The following SORCS1 variants were observed in gnomAD, a reference collection of about 807,000 sequenced individuals.
The protein encoded by SORCS1 is sortilin related VPS10 domain containing receptor 1.
SORCS1 carries 60 observed loss-of-function variants against 146.1 expected under a neutral mutation model. The observed-to-expected ratio is 0.41, with a 90% CI of 0.33 to 0.51. SORCS1 has a LOEUF of 0.51. Among genes scored for constraint, SORCS1 ranks in the 20% least tolerant of loss-of-function variants. The pLI is 0.21. For missense variants in SORCS1, 1,352 were observed against 1,487.6 expected (o/e 0.91, Z 1.50); for synonymous variants, 637 against 584.0 (o/e 1.09, Z -1.31).
intron 22 of SORCS1, among the ~76,000 whole-genome samples, chr10:106,611,699 GGT>G (rs1406620097): frequency 6.6e-6 from 1 of 152,200 alleles, no homozygotes; most frequent in Non-Finnish European, 1.5e-5. Context: ...GTTTGTCCGT[GGT>G]TCCATAGTTG....
chr10:106,859,544 C>T (rs548919121), intron 2 of SORCS1, among the ~76,000 whole-genome samples: 184 of 152,262 alleles, frequency 1.2e-3, no homozygotes, highest in Admixed American at 2.4e-3. Flanking sequence ...CAGGTGCGCA[C>T]CACCATGCCC....
intron 2 of SORCS1, among the ~76,000 whole-genome samples, chr10:106,928,408 G>A (rs1977693): frequency 0.88 from 133,933 of 152,238 alleles, 60,524 homozygotes; most frequent in Non-Finnish European, 1. Flanking sequence ...CGCCAAGCCC[G>A]CGCCCACCCG....
At chr10:106,608,233 A>T (rs1270641561) in intron 22 of SORCS1, among the ~76,000 whole-genome samples, 1 of 152,130 alleles carries the variant, frequency 6.6e-6, no homozygotes, top group Non-Finnish European at 1.5e-5. Context: ...TCCTTTCCAA[A>T]CTAATTACCC....
chr10:106,736,515 TGGTTTCCTCTCCTACAGTCAAG>T (rs1451119083), intron 5 of SORCS1, among the ~76,000 whole-genome samples: 2 of 145,188 alleles, frequency 1.4e-5, no homozygotes, highest in Non-Finnish European at 3.0e-5. Flanking sequence ...TGACATACCT[TGGTTTCCTCTCCTACAGTCAAG>T]GGTTTCCCCT....
chr10:107,145,753 T>C (rs1293608595), intron 1 of SORCS1, among the ~76,000 whole-genome samples: 1 of 152,148 alleles, frequency 6.6e-6, no homozygotes, highest in African/African-American at 2.4e-5. Context: ...AGTTAGCAAG[T>C]GCACACACAC....
chr10:106,906,887 T>C (rs1020831165), intron 2 of SORCS1, among the ~76,000 whole-genome samples: 8 of 152,148 alleles, frequency 5.3e-5, no homozygotes, highest in Admixed American at 3.3e-4. Context: ...GAGTACTTGG[T>C]TGAGGAAATG....
chr10:106,732,948 G>T (rs925651883), intron 5 of SORCS1, among the ~76,000 whole-genome samples: 3 of 151,696 alleles, frequency 2.0e-5, no homozygotes, highest in Non-Finnish European at 4.4e-5. Flanking sequence ...GTGAAACCCC[G>T]TATCTACTAA....
At chr10:106,613,303 C>T (rs190373698) in intron 21 of SORCS1, among the ~76,000 whole-genome samples, 181 of 152,150 alleles carry the variant, frequency 1.2e-3, no homozygotes, top group African/African-American at 4.1e-3. Flanking sequence ...GGGCAGGAAG[C>T]CACAGGAGTC....
intron 18 of SORCS1, among the ~76,000 whole-genome samples, chr10:106,647,925 T>C (rs1437664354): frequency 6.6e-6 from 1 of 152,234 alleles, no homozygotes; most frequent in African/African-American, 2.4e-5. Context: ...TGGAGTGCTG[T>C]GGCGCAATTA....
intron 3 of SORCS1, among the ~76,000 whole-genome samples, chr10:106,812,006 G>C (rs7076443): frequency 6.6e-6 from 1 of 151,754 alleles, no homozygotes; most frequent in South Asian, 2.1e-4. Context: ...TTGTTTGTTT[G>C]TTTGTTTGTT....
chr10:106,958,765 G>A (rs564227806), intron 1 of SORCS1, among the ~76,000 whole-genome samples: 2 of 152,326 alleles, frequency 1.3e-5, no homozygotes, highest in South Asian at 4.1e-4. Flanking sequence ...GGGGGCATAT[G>A]CTTAACAGAT....
rs1590287126 is a variant in SORCS1, at chr10:107,164,664, C to T, written c.-138G>A. On this transcript the variant is annotated 5_prime_UTR_variant, in exon 1 of 26. Coordinates refer to ENST00000263054, the MANE Select transcript of SORCS1 (RefSeq NM_052918.5). This position sits in a 1 kb window ranked among gnomAD's most constrained non-coding sequence, Gnocchi z 6.8. ...GCGCCGCGGTGGGGGCGGGCGGAGG[C>T]GGCGCCGGGCAGGTGGCGGCCGCTT... 7 of 662,232 alleles carry T rather than the reference C, an allele frequency of 1.1e-5. No homozygotes were observed. The East Asian group carries it at 1.8e-4, about 17-fold the overall frequency. The allele number at this position is 662,232 out of a possible 1,614,324, so 41.0% of individuals were successfully genotyped here. A position where few individuals can be genotyped will look rare whatever the true frequency, so the allele number is the denominator to read the frequency against.
chr10:106,856,022 C>T (rs1046626131), intron 2 of SORCS1, among the ~76,000 whole-genome samples: 20 of 137,592 alleles, frequency 1.5e-4, no homozygotes, highest in African/African-American at 4.5e-4. Flanking sequence ...AAGAGGGAGA[C>T]ACAACATTTT....
intron 2 of SORCS1, among the ~76,000 whole-genome samples, chr10:106,872,791 C>T (rs1950459162): frequency 6.6e-6 from 1 of 152,096 alleles, no homozygotes; most frequent in Non-Finnish European, 1.5e-5. Flanking sequence ...TATCTTGAAT[C>T]TATTTATCTT....
chr10:106,980,013 A>C (rs1057450506), intron 1 of SORCS1, among the ~76,000 whole-genome samples: 1 of 152,246 alleles, frequency 6.6e-6, no homozygotes, highest in Non-Finnish European at 1.5e-5. Context: ...AGCTTTTTAA[A>C]AAGTTAAATA....
intron 1 of SORCS1, among the ~76,000 whole-genome samples, chr10:107,007,747 T>C (rs931833630): frequency 2.6e-5 from 4 of 152,230 alleles, no homozygotes; most frequent in African/African-American, 7.2e-5. Context: ...ATGAGCCTTC[T>C]AGTAGAGAAT....
At chr10:107,069,486 C>T (rs1962231657) in intron 1 of SORCS1, among the ~76,000 whole-genome samples, 1 of 152,108 alleles carries the variant, frequency 6.6e-6, no homozygotes, top group Non-Finnish European at 1.5e-5. Flanking sequence ...AGCGATTCTC[C>T]TGCCTCAGCC....
At chr10:106,681,822 T>A (rs2135569886) in intron 10 of SORCS1, among the ~76,000 whole-genome samples, 1 of 152,268 alleles carries the variant, frequency 6.6e-6, no homozygotes, top group East Asian at 1.9e-4. Flanking sequence ...AAGGGGCAGT[T>A]GCCATTACAA....
intron 1 of SORCS1, among the ~76,000 whole-genome samples, chr10:106,969,235 T>C (rs1955651259): frequency 6.6e-6 from 1 of 152,162 alleles, no homozygotes. Context: ...GCATGGCTAG[T>C]GGGTGGGTAT....
Sources: gnomAD v4.1 joint callset for allele counts (sites outside exome capture counted in the v4.1 genomes callset) on GRCh38, gnomAD v4.1.1 for gene constraint, Gnocchi (gnomAD v3.1) non-coding constraint, MANE v1.5 for transcripts, NCBI Gene and HGNC (gene_info 2026-07-23, HGNC 2026-07-21) for gene names.